Variants in MAPK8IP3 observed in about 807,000 individuals in gnomAD.
MAPK8IP3 encodes mitogen-activated protein kinase 8 interacting protein 3, also known as C-Jun-amino-terminal kinase-interacting protein 3.
Under a neutral mutation model 157.8 loss-of-function variants are expected in MAPK8IP3, and 49 were observed. The observed-to-expected ratio is 0.31, with a 90% CI of 0.25 to 0.39. MAPK8IP3 has a LOEUF of 0.39. MAPK8IP3 is among the 10% of genes least tolerant of loss of function. MAPK8IP3 has a pLI of 1.00. For missense variants in MAPK8IP3, 1,478 were observed against 1,889.4 expected, an observed-to-expected ratio of 0.78 and a Z score of 4.04; for synonymous variants, 897 against 777.7, an observed-to-expected ratio of 1.15 and a Z score of -2.55.
At chr16:1,747,894 C>T (rs2041064472) in intron 6 of MAPK8IP3, among the ~76,000 whole-genome samples, 2 of 152,244 alleles carry the variant, frequency 1.3e-5, no homozygotes, top group Non-Finnish European at 2.9e-5. Flanking sequence ...CTGCGTTGCC[C>T]CACGGCACAC....
chr16:1,745,071 T>G, intron 5 of MAPK8IP3: 1 of 985,344 alleles, frequency 1.0e-6, no homozygotes, highest in Non-Finnish European at 1.2e-6. Flanking sequence ...TGCTACACGT[T>G]GATGTTTAGG....
intron 8 of MAPK8IP3, among the ~76,000 whole-genome samples, chr16:1,749,536 CA>C (rs1218471503): frequency 2.0e-5 from 3 of 152,006 alleles, no homozygotes; most frequent in Non-Finnish European, 4.4e-5. Flanking sequence ...GTGGCGGCTG[CA>C]AACATCAGGA....
chr16:1,738,259 CGTGTG>C (rs2040218396), intron 4 of MAPK8IP3, among the ~76,000 whole-genome samples: 1 of 62,152 alleles, frequency 1.6e-5, no homozygotes, highest in Non-Finnish European at 2.8e-5. Context: ...TCCGTGTGAG[CGTGTG>C]ACCGTCCGTG....
At chr16:1,762,198 C>T (rs2041993076) in intron 13 of MAPK8IP3, among the ~76,000 whole-genome samples, 153 bp from the exon 14 acceptor site, 1 of 152,248 alleles carries the variant, frequency 6.6e-6, no homozygotes, top group Non-Finnish European at 1.5e-5. Flanking sequence ...GTTCCCCTCC[C>T]CGCTTGCCGA....
intron 8 of MAPK8IP3, among the ~76,000 whole-genome samples, chr16:1,757,478 T>C (rs1302116476): frequency 6.6e-6 from 1 of 152,176 alleles, no homozygotes; most frequent in African/African-American, 2.4e-5. Context: ...CTCACCTCTG[T>C]TGGAGGAAGT....
rs765506807 is a variant in MAPK8IP3 at position 1,743,480 on chromosome 16, T to G, written c.747+4T>G. The G allele has an allele frequency of 6.2e-7, 1 of 1,608,498 alleles. No individual in the cohort carries two copies. Among genetic ancestry groups the G allele is most frequent in the Non-Finnish European group, 8.5e-7 (1 of 1,178,702 alleles). On this transcript the variant is annotated splice_donor_region_variant and intron_variant, in intron 5 of 31. Transcript: ENST00000610761. This position sits in a 1 kb window ranked among gnomAD's most constrained non-coding sequence, Gnocchi z 5.6. ...GCAGTCCAGCTCCAGCTACCAGGTT[T>G]TGTAGCCGTGCCGTGGAGTGAGAGG...
At chr16:1,764,249 G>A (rs1022278281) in intron 18 of MAPK8IP3, 39 bp downstream of exon 18, 1 of 1,599,670 alleles carries the variant, frequency 6.3e-7, no homozygotes, top group Non-Finnish European at 8.5e-7. Context: ...GGCTGGGCGA[G>A]CGGGAGGCTG....
chr16:1,762,521 T>C (rs2042011117), intron 14 of MAPK8IP3, 40 bp downstream of exon 14: 6 of 1,608,246 alleles, frequency 3.7e-6, no homozygotes, highest in Non-Finnish European at 5.1e-6. Flanking sequence ...TGCGGGATCA[T>C]CCCTGACGGC....
At chr16:1,737,475 T>C (rs562163769) in intron 4 of MAPK8IP3, among the ~76,000 whole-genome samples, 48 of 86,180 alleles carry the variant, frequency 5.6e-4, no homozygotes, top group Middle Eastern at 0.016. Context: ...TGTGAGCATC[T>C]GTGTGACCGT....
Position 1,729,228 on chromosome 16 carries a change from C to A in MAPK8IP3, c.510+20C>A. ...ACAGAGGTGGGCGCCCAGAGGCAAG[C>A]GCGGAGACGAGGGTTGGAGACAGGG... On this transcript the variant is annotated intron_variant, in intron 3 of 31. Transcript: ENST00000610761. The A allele has an allele frequency of 6.2e-7, 1 of 1,613,386 alleles. No individual in the cohort carries two copies. Among genetic ancestry groups the A allele is most frequent in the East Asian group, 2.2e-5 (1 of 44,882 alleles).
intron 2 of MAPK8IP3, among the ~76,000 whole-genome samples, chr16:1,726,914 A>G (rs1462552789): frequency 6.6e-6 from 1 of 152,240 alleles, no homozygotes; most frequent in Non-Finnish European, 1.5e-5. Flanking sequence ...TCCCTCCTGC[A>G]GCAGCCAGTT....
At chr16:1,716,259 A>T (rs2142294948) in intron 1 of MAPK8IP3, among the ~76,000 whole-genome samples, 1 of 152,030 alleles carries the variant, frequency 6.6e-6, no homozygotes, top group Middle Eastern at 3.4e-3. Flanking sequence ...ATACTGAAAA[A>T]ACTGGCTTGG....
At chr16:1,733,374 C>T (rs1045153153) in intron 4 of MAPK8IP3, among the ~76,000 whole-genome samples, 3 of 152,182 alleles carry the variant, frequency 2.0e-5, no homozygotes, top group African/African-American at 4.8e-5. Context: ...AGACAACACC[C>T]GAGAGGTCCT....
At chr16:1,746,647 C>A (rs946475148) in intron 5 of MAPK8IP3, 2 of 221,320 alleles carry the variant, frequency 9.0e-6, no homozygotes, top group African/African-American at 4.6e-5. Context: ...CCAGTCAGAG[C>A]CCTCTGCCCT....
intron 8 of MAPK8IP3, among the ~76,000 whole-genome samples, chr16:1,757,225 C>T (rs190857956): frequency 2.0e-5 from 3 of 152,200 alleles, no homozygotes; most frequent in Admixed American, 2.0e-4. Context: ...CTGCCTCAGC[C>T]GCCCGAGTAG....
intron 1 of MAPK8IP3, among the ~76,000 whole-genome samples, chr16:1,720,700 ATTTTT>A (rs2038457554): frequency 6.6e-6 from 1 of 152,210 alleles, no homozygotes. Context: ...AATTATTTTC[ATTTTT>A]TATATAACAG....
chr16:1,768,341 G>A lies in MAPK8IP3; in HGVS notation c.3705G>A (p.Gly1235=), dbSNP rs1488755709. Residue 1235 remains glycine, a synonymous_variant, in exon 30 of 32, where the codon GGG becomes GGA. Transcript: ENST00000610761. Reference sequence around the variant, plus strand: ...CCCAGGCCCAGCTATGCTTCCATGGGCACCGCGATGCCGTGAAGTTCTTTG... The same window carrying A: ...CCCAGGCCCAGCTATGCTTCCATGGACACCGCGATGCCGTGAAGTTCTTTG... ...SMAQAQLCFH[G]HRDAVKFFVS... 2 of 1,605,688 alleles carry A rather than the reference G, an allele frequency of 1.2e-6. No individual in the cohort carries two copies. Among genetic ancestry groups the A allele is most frequent in the South Asian group, 2.2e-5 (2 of 91,076 alleles).
At chr16:1,717,251 AAAAG>A (rs1555442853) in intron 1 of MAPK8IP3, among the ~76,000 whole-genome samples, 27 of 147,894 alleles carry the variant, frequency 1.8e-4, no homozygotes, top group East Asian at 5.9e-4. Context: ...AAAAAAAAAA[AAAAG>A]AAAGAAAGAA....
rs2040786071 is a variant in MAPK8IP3 at position 1,743,332 on chromosome 16, C to T, written c.603C>T (p.Ser201=). 1 of 1,552,364 alleles carries T rather than the reference C, an allele frequency of 6.4e-7. No homozygotes were observed. Among genetic ancestry groups the T allele is most frequent in the East Asian group, 2.5e-5 (1 of 39,366 alleles). ...CCTCTCCTCTCGCCCCCCATTTCAGCAGGAAGGAGCGCCCCACCTCCCTGA... is the reference window on the plus strand; with the variant it reads ...CCTCTCCTCTCGCCCCCCATTTCAGTAGGAAGGAGCGCCCCACCTCCCTGA... ...SQTESSLPGR[S]RKERPTSLNV... Residue 201 remains serine, a splice_region_variant and synonymous_variant, in exon 5 of 32, where the codon AGC becomes AGT. Transcript: ENST00000610761. This position sits in a 1 kb window ranked among gnomAD's most constrained non-coding sequence, Gnocchi z 5.6.
Sources: gnomAD v4.1 joint callset for allele counts (sites outside exome capture counted in the v4.1 genomes callset) on GRCh38, gnomAD v4.1.1 for gene constraint, Gnocchi (gnomAD v3.1) non-coding constraint, MANE v1.5 for transcripts, NCBI Gene and HGNC (gene_info 2026-07-23, HGNC 2026-07-21) for gene names.